Variants in OPA1 observed in about 807,000 individuals in gnomAD.
OPA1 encodes the protein dynamin-like GTPase OPA1, mitochondrial.
In OPA1, 59 loss-of-function variants were observed where a neutral mutation model predicts 152.9. The ratio of observed to expected loss-of-function variants is 0.39; its 90% CI spans 0.31 to 0.48. The LOEUF is 0.48. Among genes scored for constraint, OPA1 ranks in the 20% least tolerant of loss-of-function variants. The probability of loss-of-function intolerance (pLI) is 0.96; values close to 1 mark genes in which losing one functional copy is unlikely to be tolerated. For synonymous variants in OPA1, 400 were observed against 389.9 expected, an observed-to-expected ratio of 1.03 and a Z score of -0.31; for missense variants, 1,008 against 1,216.8, an observed-to-expected ratio of 0.83 and a Z score of 2.55.
In OPA1 at chr3:193,615,670, T is replaced by G. The variant is rs771513960; in HGVS notation, c.352-4T>G. The G allele has an allele frequency of 6.4e-7, 1 of 1,565,084 alleles. No individual in the cohort carries two copies. Among genetic ancestry groups the G allele is most frequent in the South Asian group, 1.1e-5 (1 of 90,086 alleles). ...TCTGATTGACACACTTTCTTGTCTT[T>G]TAGACTTTTGATCAGTGGAAAGATA... On this transcript the variant is annotated splice_region_variant and splice_polypyrimidine_tract_variant and intron_variant, in intron 2 of 30. Coordinates refer to ENST00000361510, the MANE Select transcript of OPA1 (RefSeq NM_130837.3).
intron 21 of OPA1, among the ~76,000 whole-genome samples, chr3:193,654,320 AC>A (rs1577284754): frequency 6.6e-6 from 1 of 151,734 alleles, no homozygotes; most frequent in Admixed American, 6.6e-5. Context: ...ACATAGTGAG[AC>A]CCCATCTCTA....
chr3:193,639,285 T>C (rs1037094567), intron 11 of OPA1, among the ~76,000 whole-genome samples: 1 of 152,130 alleles, frequency 6.6e-6, no homozygotes, highest in African/African-American at 2.4e-5. Context: ...AGACAGATAA[T>C]AGATAATAAA....
intron 27 of OPA1, 84 bp from the exon 28 acceptor site, chr3:193,666,212 C>A: frequency 1.8e-6 from 2 of 1,121,340 alleles, no homozygotes; most frequent in Non-Finnish European, 2.7e-6. Context: ...GACATATCTA[C>A]TGGTTCTAGT....
chr3:193,659,283 A>G (rs980436066), intron 24 of OPA1, among the ~76,000 whole-genome samples, 199 bp from the exon 25 acceptor site: 1 of 152,194 alleles, frequency 6.6e-6, no homozygotes, highest in Non-Finnish European at 1.5e-5. Flanking sequence ...AAGCAATTAT[A>G]CTTTTAGGTA....
chr3:193,638,166 C>CTATGTATCAAGTCTTTCT, intron 11 of OPA1, 101 bp downstream of exon 11: 3 of 837,052 alleles, frequency 3.6e-6, no homozygotes, highest in Non-Finnish European at 6.1e-6. Flanking sequence ...CAAAGAAAGA[C>CTATGTATCAAGTCTTTCT]TTGATACATA....
chr3:193,599,019 G>C (rs1337947084), intron 1 of OPA1, among the ~76,000 whole-genome samples: 1 of 152,112 alleles, frequency 6.6e-6, no homozygotes, highest in Non-Finnish European at 1.5e-5. Flanking sequence ...ACTTTCCTTT[G>C]TCCTTCCTCC....
intron 1 of OPA1, among the ~76,000 whole-genome samples, chr3:193,601,462 G>A (rs1726450219): frequency 6.6e-6 from 1 of 152,214 alleles, no homozygotes; most frequent in Non-Finnish European, 1.5e-5. Flanking sequence ...GAGACCCTCA[G>A]GGGTTGGAAA....
In OPA1 at chr3:193,697,762, A is replaced by C. The variant is rs960616293; in HGVS notation, c.*3162A>C. The C allele has an allele frequency of 6.6e-6, 1 of 152,158 alleles. No homozygotes were observed. 9.4% of individuals were successfully genotyped at this position (152,158 alleles called of 1,614,324 possible). ...TTCACATCGTGGTACTTGTCAAAAC[A>C]TTTTGTTATTTTCCTTGGTAAAATA... On this transcript the variant is annotated 3_prime_UTR_variant, in exon 31 of 31. Transcript: ENST00000361510.
intron 1 of OPA1, among the ~76,000 whole-genome samples, chr3:193,601,968 C>G (rs1268358490): frequency 6.6e-6 from 1 of 152,060 alleles, no homozygotes; most frequent in African/African-American, 2.4e-5. Flanking sequence ...TGGTTTTGTG[C>G]TAGAGCATAA....
rs1452221622 is a variant in OPA1, at chr3:193,671,265, C to T, written c.2983+3985C>T. ...GTAATGGTCAAATCAAAACCATATG[C>T]AAGAAGACTCTAAAATGCAAGAAGA... is the stretch of plus-strand genomic sequence containing the variant. On this transcript the variant is annotated intron_variant, in intron 29 of 30. Transcript: ENST00000361510. 2.0e-5 allele frequency among the ~76,000 whole-genome samples: 3 copies of T among 152,134 alleles called. 1 individual carries two copies. Among genetic ancestry groups the T allele is most frequent in the Middle Eastern group, 6.3e-3 (2 of 316 alleles).
chr3:193,604,870 A>AAAAAG (rs1172168833), intron 1 of OPA1, among the ~76,000 whole-genome samples: 7 of 100,778 alleles, frequency 6.9e-5, no homozygotes, highest in Non-Finnish European at 1.2e-4. Flanking sequence ...CAAAAAAAAA[A>AAAAAG]AAAAAGAAAA....
At chr3:193,676,774 A>T (rs1719088363) in intron 29 of OPA1, among the ~76,000 whole-genome samples, 1 of 152,050 alleles carries the variant, frequency 6.6e-6, no homozygotes, top group Admixed American at 6.6e-5. Flanking sequence ...AGGTCAGGAG[A>T]TCCAGACCAT....
intron 15 of OPA1, 111 bp downstream of exon 15, chr3:193,643,738 G>T (rs1386325017): frequency 5.8e-6 from 6 of 1,042,958 alleles, no homozygotes; most frequent in African/African-American, 4.8e-5. Flanking sequence ...ATGCATTTTT[G>T]CCTTCTCTTC....
intron 6 of OPA1, chr3:193,619,616 T>G (rs1157521908): frequency 6.6e-6 from 1 of 152,154 alleles, no homozygotes; most frequent in African/African-American, 2.4e-5. Context: ...GTTTTCTGAG[T>G]CTTCACTTTT....
At chr3:193,683,974 A>G (rs920228867) in intron 29 of OPA1, among the ~76,000 whole-genome samples, 1 of 152,170 alleles carries the variant, frequency 6.6e-6, no homozygotes, top group Admixed American at 6.5e-5. Flanking sequence ...TTTAGCCCTC[A>G]GTTTCCTGGT....
At chr3:193,689,310 C>T (rs769043379) in intron 29 of OPA1, 15 of 152,096 alleles carry the variant, frequency 9.9e-5, no homozygotes, top group Admixed American at 4.6e-4. Flanking sequence ...CTCCAGTCTC[C>T]CCTCCGTTCA....
intron 29 of OPA1, among the ~76,000 whole-genome samples, chr3:193,680,016 A>G (rs1168937408): frequency 6.6e-6 from 1 of 152,234 alleles, no homozygotes; most frequent in Admixed American, 6.5e-5. Context: ...TCAGCCTAAC[A>G]TGAATACCTG....
chr3:193,649,353 T>G (rs1282452080), intron 21 of OPA1, among the ~76,000 whole-genome samples: 1 of 152,172 alleles, frequency 6.6e-6, no homozygotes, highest in Non-Finnish European at 1.5e-5. Context: ...TAAATGCACC[T>G]TTTTGAAAAA....
At chr3:193,668,580 T>TA in intron 29 of OPA1, 1 of 1,543,382 alleles carries the variant, frequency 6.5e-7, no homozygotes, top group African/African-American at 1.4e-5. Flanking sequence ...TTTGTGGAGA[T>TA]ACCCTCTTTA....
Sources: gnomAD v4.1 joint callset for allele counts (sites outside exome capture counted in the v4.1 genomes callset) on GRCh38, gnomAD v4.1.1 for gene constraint, MANE v1.5 for transcripts, NCBI Gene and HGNC (gene_info 2026-07-23, HGNC 2026-07-21) for gene names.